Variants in HSDL2 observed in about 807,000 individuals in gnomAD.
HSDL2 encodes the protein hydroxysteroid dehydrogenase like 2.
Under a neutral mutation model 46.3 loss-of-function variants are expected in HSDL2, and 27 were observed. That is an observed-to-expected ratio of 0.58 (90% CI 0.43 to 0.80). The LOEUF (loss-of-function observed/expected upper bound fraction) is 0.80. Ranked by LOEUF, HSDL2 falls within the 30% of genes least tolerant of loss-of-function variation. The probability of loss-of-function intolerance (pLI) is 0.00; values close to 1 mark genes in which losing one functional copy is unlikely to be tolerated. For synonymous variants in HSDL2, 153 were observed against 163.6 expected (o/e 0.94, Z 0.50); for missense variants, 451 against 502.7 (o/e 0.90, Z 0.98).
intron 1 of HSDL2, among the ~76,000 whole-genome samples, chr9:112,386,598 A>G (rs2132591501): frequency 6.7e-6 from 1 of 150,196 alleles, no homozygotes; most frequent in Non-Finnish European, 1.5e-5. Flanking sequence ...CCTGGGCAGC[A>G]CAGTAAGACT....
chr9:112,422,308 G>T (rs753454669), intron 6 of HSDL2, among the ~76,000 whole-genome samples: 41 of 152,040 alleles, frequency 2.7e-4, no homozygotes, highest in Non-Finnish European at 1.2e-4. Context: ...TCCAGACATG[G>T]AAAAAATAAA....
rs561215721 is a variant in HSDL2, at chr9:112,447,183, A to G, written c.865+5413A>G. On this transcript the variant is annotated intron_variant, in intron 8 of 10. Transcript: ENST00000398805. ...GCCTGTGTCAGGGACTACCAGCCATATGTCATCTTCTTTTGTGTACTGGAA... is the reference window on the plus strand; with the variant it reads ...GCCTGTGTCAGGGACTACCAGCCATGTGTCATCTTCTTTTGTGTACTGGAA... Among the ~76,000 whole-genome samples the G allele has an allele frequency of 4.6e-5, 7 of 152,200 alleles. No homozygotes were observed. The South Asian group carries it at 8.3e-4, about 18-fold the overall frequency.
At chr9:112,434,209 C>T (rs1832466690) in intron 6 of HSDL2, 1 of 152,188 alleles carries the variant, frequency 6.6e-6, no homozygotes, top group Non-Finnish European at 1.5e-5. Flanking sequence ...ATGGTAGAAG[C>T]AGGAAAGTCC....
intron 4 of HSDL2, among the ~76,000 whole-genome samples, chr9:112,416,562 T>C (rs1831998958): frequency 6.7e-6 from 1 of 148,700 alleles, no homozygotes; most frequent in African/African-American, 2.5e-5. Flanking sequence ...AAGACCAGCC[T>C]GGGCAACAAA....
chr9:112,395,708 C>T (rs778942232), intron 1 of HSDL2, among the ~76,000 whole-genome samples: 14 of 152,240 alleles, frequency 9.2e-5, no homozygotes, highest in East Asian at 7.7e-4. Context: ...CCAGGTTGGA[C>T]GGCTCCCATA....
At chr9:112,463,259 CTTTT>C (rs59947984) in intron 10 of HSDL2, among the ~76,000 whole-genome samples, 1 of 138,982 alleles carries the variant, frequency 7.2e-6, no homozygotes, top group Non-Finnish European at 1.6e-5. Context: ...TGATATTTAA[CTTTT>C]TTTTTTTTTT....
chr9:112,416,659 G>A lies in HSDL2; in HGVS notation c.396-182G>A, dbSNP rs935534876. Among the ~76,000 whole-genome samples, 4 of 150,428 alleles carry A rather than the reference G, an allele frequency of 2.7e-5. No homozygotes were observed. The East Asian group carries it at 5.9e-4, about 22-fold the overall frequency. On this transcript the variant is annotated intron_variant, in intron 4 of 10. Transcript: ENST00000398805. ...TGCACACCTGTAGTTCCAGCTACTC[G>A]GAAAACTGAGGTGGGAGGATTGCTT...
chr9:112,455,429 C>G (rs998306734), intron 9 of HSDL2, among the ~76,000 whole-genome samples: 7 of 152,174 alleles, frequency 4.6e-5, no homozygotes, highest in Admixed American at 1.3e-4. Flanking sequence ...CACTCTCTTG[C>G]TTGTGTCCTA....
intron 1 of HSDL2, among the ~76,000 whole-genome samples, chr9:112,392,159 G>A (rs1450329221): frequency 6.6e-6 from 1 of 152,156 alleles, no homozygotes; most frequent in Non-Finnish European, 1.5e-5. Flanking sequence ...AGGGGGAGGT[G>A]TAAGAACAGG....
intron 2 of HSDL2, among the ~76,000 whole-genome samples, chr9:112,404,520 C>T (rs541124705): frequency 1.3e-5 from 2 of 150,664 alleles, no homozygotes; most frequent in South Asian, 2.1e-4. Flanking sequence ...GGTGACAGAG[C>T]GAGACTCCAT....
intron 7 of HSDL2, 85 bp from the exon 8 acceptor site, chr9:112,441,613 TA>T (rs1832639114): frequency 1.2e-6 from 1 of 831,700 alleles, no homozygotes; most frequent in South Asian, 1.9e-5. Context: ...AGATTTTTAA[TA>T]AAATAGATAT....
chr9:112,446,145 G>T (rs145666162), intron 8 of HSDL2, among the ~76,000 whole-genome samples: 1 of 151,916 alleles, frequency 6.6e-6, no homozygotes, highest in Admixed American at 6.6e-5. Context: ...CTCATATTAG[G>T]AGATATCTCT....
intron 1 of HSDL2, among the ~76,000 whole-genome samples, chr9:112,403,671 G>A (rs997656581): frequency 2.6e-5 from 4 of 151,652 alleles, no homozygotes; most frequent in Non-Finnish European, 5.9e-5. Flanking sequence ...TTATTAACAC[G>A]TTTTCTGTGG....
chr9:112,409,101 C>G (rs1376746097), intron 4 of HSDL2, 80 bp downstream of exon 4: 3 of 779,220 alleles, frequency 3.9e-6, no homozygotes, highest in Non-Finnish European at 6.6e-6. Context: ...CAGATTTGAG[C>G]CAAATTAACA....
At chr9:112,465,210 C>T (rs1018660393) in intron 10 of HSDL2, among the ~76,000 whole-genome samples, 3 of 152,200 alleles carry the variant, frequency 2.0e-5, no homozygotes, top group African/African-American at 7.2e-5. Flanking sequence ...CTTACTGCAA[C>T]ATCTGCCTCC....
chr9:112,386,914 G>A (rs940964611), intron 1 of HSDL2, among the ~76,000 whole-genome samples: 1 of 152,184 alleles, frequency 6.6e-6, no homozygotes, highest in African/African-American at 2.4e-5. Context: ...ATATTCTTCA[G>A]CAAATAAATG....
At chr9:112,428,726 C>T (rs899234592) in intron 6 of HSDL2, among the ~76,000 whole-genome samples, 1 of 152,148 alleles carries the variant, frequency 6.6e-6, no homozygotes, top group African/African-American at 2.4e-5. Context: ...TTTATGGTGC[C>T]TCTCTTTTTC....
At chr9:112,421,533 C>G (rs1251487937) in intron 6 of HSDL2, among the ~76,000 whole-genome samples, 2 of 151,870 alleles carry the variant, frequency 1.3e-5, no homozygotes, top group Non-Finnish European at 2.9e-5. Flanking sequence ...TTTGGAAAGT[C>G]TTCATATTCT....
At chr9:112,454,865 A>G (rs960462140) in intron 9 of HSDL2, among the ~76,000 whole-genome samples, 14 of 150,826 alleles carry the variant, frequency 9.3e-5, no homozygotes, top group South Asian at 2.1e-4. Context: ...ACCACCACAC[A>G]TGGCTAATTT....
Sources: gnomAD v4.1 joint callset for allele counts (sites outside exome capture counted in the v4.1 genomes callset) on GRCh38, gnomAD v4.1.1 for gene constraint, MANE v1.5 for transcripts, NCBI Gene and HGNC (gene_info 2026-07-23, HGNC 2026-07-21) for gene names.